Variants in ZNF69 observed in about 807,000 individuals in gnomAD.
The protein encoded by ZNF69 is zinc finger protein 69, also known as ZNF3.
A neutral mutation model predicts 50.9 loss-of-function variants in ZNF69; 47 were observed. The observed-to-expected ratio is 0.92, with a 90% CI of 0.73 to 1.18. The LOEUF (loss-of-function observed/expected upper bound fraction) is 1.18. Ranked by LOEUF, ZNF69 falls within the 50% of genes most tolerant of loss-of-function variation. ZNF69 has a pLI of 0.00. For synonymous variants in ZNF69, 216 were observed against 223.1 expected (o/e 0.97, Z 0.29); for missense variants, 717 against 675.1 (o/e 1.06, Z -0.69).
intron 1 of ZNF69, among the ~76,000 whole-genome samples, chr19:11,899,556 C>T (rs142677203): frequency 9.7e-4 from 148 of 152,168 alleles, no homozygotes; most frequent in African/African-American, 3.3e-3. Flanking sequence ...TCCCAGCACA[C>T]GGGAGACTGA....
chr19:11,924,409 G>C, the ZNF69 span, among the ~76,000 whole-genome samples: 1 of 131,682 alleles, frequency 7.6e-6, no homozygotes, highest in African/African-American at 2.8e-5. Context: ...TCCAGCCTGG[G>C]CTACAGAGCA....
At chr19:11,947,394 A>T in the ZNF69 span, 1 of 1,606,148 alleles carries the variant, frequency 6.2e-7, no homozygotes, top group South Asian at 1.1e-5. Flanking sequence ...TTGAACATAG[A>T]CAGGAAATAC....
At chr19:11,922,087 G>C in the ZNF69 span, among the ~76,000 whole-genome samples, 24 of 151,828 alleles carry the variant, frequency 1.6e-4, no homozygotes, top group Non-Finnish European at 2.8e-4. Context: ...CAAAGGAATG[G>C]GCTCCAGACA....
At chr19:11,901,320 G>T (rs971864240) in intron 1 of ZNF69, among the ~76,000 whole-genome samples, 1 of 152,118 alleles carries the variant, frequency 6.6e-6, no homozygotes, top group East Asian at 1.9e-4. Context: ...TATGCTGGAG[G>T]TTGCACTTTT....
chr19:11,927,420 A>G, the ZNF69 span, among the ~76,000 whole-genome samples: 1 of 134,948 alleles, frequency 7.4e-6, no homozygotes, highest in African/African-American at 3.2e-5. Context: ...CCCTGTCTCT[A>G]TTTAAATAAA....
the ZNF69 span, among the ~76,000 whole-genome samples, chr19:11,923,914 G>A: frequency 6.6e-6 from 1 of 152,128 alleles, no homozygotes; most frequent in African/African-American, 2.4e-5. Context: ...GGCTTCGCGG[G>A]CAGCCCACCC....
chr19:11,948,807 T>C, the ZNF69 span: 1 of 1,609,616 alleles, frequency 6.2e-7, no homozygotes, highest in Non-Finnish European at 8.5e-7. Flanking sequence ...CCTTTACTTA[T>C]TCTGCTACCC....
the ZNF69 span, among the ~76,000 whole-genome samples, chr19:11,958,858 C>T: frequency 6.6e-6 from 1 of 152,110 alleles, no homozygotes; most frequent in Admixed American, 6.6e-5. Flanking sequence ...TGCATCAGAT[C>T]ATTCATTCGT....
At chr19:11,897,828 CGCCACTGCACTCCA>C in intron 1 of ZNF69, among the ~76,000 whole-genome samples, 1 of 147,802 alleles carries the variant, frequency 6.8e-6, no homozygotes, top group African/African-American at 2.5e-5. Context: ...GCCAAGATGG[CGCCACTGCACTCCA>C]GCCTGGGTGA....
the ZNF69 span, chr19:11,925,112 C>T: frequency 1.4e-6 from 2 of 1,455,134 alleles, no homozygotes; most frequent in Non-Finnish European, 1.9e-6. Context: ...GCTTTCCTCA[C>T]CTTCCTCGCT....
the ZNF69 span, chr19:11,950,597 C>T: frequency 2.1e-6 from 1 of 480,760 alleles, no homozygotes; most frequent in Non-Finnish European, 4.0e-6. Context: ...GAAGGGTTCA[C>T]ACTTGGGAGA....
chr19:11,967,705 T>A, the ZNF69 span, among the ~76,000 whole-genome samples: 1 of 152,152 alleles, frequency 6.6e-6, no homozygotes, highest in Non-Finnish European at 1.5e-5. Context: ...GTCCGGCCCC[T>A]GTCTCTATTT....
At chr19:11,948,407 G>A in the ZNF69 span, 1 of 1,614,134 alleles carries the variant, frequency 6.2e-7, no homozygotes, top group Non-Finnish European at 8.5e-7. Flanking sequence ...TCATGTGACA[G>A]CTTTGTGTGT....
the ZNF69 span, among the ~76,000 whole-genome samples, chr19:11,966,434 C>T: frequency 6.6e-6 from 1 of 152,160 alleles, no homozygotes; most frequent in East Asian, 1.9e-4. Context: ...AGTGCAATGG[C>T]TGGATCTCGG....
chr19:11,925,335 C>T, the ZNF69 span: 5,771 of 1,595,770 alleles, frequency 3.6e-3, 17 homozygotes, highest in Non-Finnish European at 4.5e-3. Context: ...AGGCGGGAAC[C>T]GGCTGTGGCG....
the ZNF69 span, among the ~76,000 whole-genome samples, chr19:11,934,321 A>G: frequency 7.4e-4 from 109 of 147,910 alleles, 20 homozygotes; most frequent in African/African-American, 2.7e-3. Flanking sequence ...GATTGAGACT[A>G]CTGAATCAGT....
At chr19:11,969,526 AC>A in the ZNF69 span, among the ~76,000 whole-genome samples, 4 of 152,206 alleles carry the variant, frequency 2.6e-5, no homozygotes, top group Non-Finnish European at 5.9e-5. Context: ...AGTAATTTTC[AC>A]GAGTTGTATT....
At chr19:11,963,766 G>A in the ZNF69 span, among the ~76,000 whole-genome samples, 1 of 152,058 alleles carries the variant, frequency 6.6e-6, no homozygotes, top group Non-Finnish European at 1.5e-5. Flanking sequence ...CGGGCTCCGG[G>A]CCCTAGATCC....
chr19:11,970,560 T>A, the ZNF69 span, among the ~76,000 whole-genome samples: 1 of 152,374 alleles, frequency 6.6e-6, no homozygotes, highest in East Asian at 1.9e-4. Flanking sequence ...CTCCTGTAGA[T>A]AACCATTTGT....
Sources: gnomAD v4.1 joint callset for allele counts (sites outside exome capture counted in the v4.1 genomes callset) on GRCh38, gnomAD v4.1.1 for gene constraint, MANE v1.5 for transcripts, NCBI Gene and HGNC (gene_info 2026-07-23, HGNC 2026-07-21) for gene names.